The following NIPBL variants were observed in gnomAD, a reference collection of about 807,000 sequenced individuals.
NIPBL encodes the protein NIPBL cohesin loading factor, also known as nipped-B-like protein.
A neutral mutation model predicts 321.8 loss-of-function variants in NIPBL; 19 were observed. The ratio of observed to expected loss-of-function variants is 0.06; its 90% CI spans 0.04 to 0.09. The LOEUF (loss-of-function observed/expected upper bound fraction) is 0.09. Ranked by LOEUF, NIPBL falls within the 10% of genes least tolerant of loss-of-function variation. NIPBL has a pLI of 1.00. For synonymous variants in NIPBL, 1,106 were observed against 1,114.1 expected, an observed-to-expected ratio of 0.99 and a Z score of 0.14; for missense variants, 2,210 against 3,327.0, an observed-to-expected ratio of 0.66 and a Z score of 8.26.
Position 37,026,097 on chromosome 5 carries a change from TA to T in NIPBL, c.5710-131del, listed in dbSNP as rs148329512. 409 of 621,782 alleles carry T rather than the reference TA, an allele frequency of 6.6e-4. 2 individuals carry two copies. The African/African-American group carries it at 7.4e-3, about 11-fold the overall frequency. 38.5% of individuals were successfully genotyped at this position (621,782 alleles called of 1,614,324 possible). A position where few individuals can be genotyped will look rare whatever the true frequency, so the allele number is the denominator to read the frequency against. ...TTTTAGAAAAAACTGAGGAAATTAA[TA>T]CCAGAAATTCCTGGCAGTTTGTGTT... On this transcript the variant is annotated intron_variant, in intron 30 of 46. Transcript: ENST00000282516.
chr5:36,940,177 C>T (rs192565819), intron 1 of NIPBL, among the ~76,000 whole-genome samples: 1 of 152,238 alleles, frequency 6.6e-6, no homozygotes, highest in East Asian at 1.9e-4. Context: ...TCTGTAAACA[C>T]AGTTATTGTA....
intron 3 of NIPBL, 71 bp downstream of exon 3, chr5:36,955,708 G>A (rs1302033133): frequency 3.2e-5 from 41 of 1,269,396 alleles, no homozygotes; most frequent in Non-Finnish European, 4.7e-5. Flanking sequence ...CCGTATTCCT[G>A]GTTTTATTTC....
chr5:36,956,268 A>G (rs1740932613), intron 3 of NIPBL, among the ~76,000 whole-genome samples: 1 of 152,054 alleles, frequency 6.6e-6, no homozygotes, highest in Non-Finnish European at 1.5e-5. Context: ...AAACCAATAC[A>G]TATTTATACA....
At chr5:36,956,436 T>C (rs550647738) in intron 3 of NIPBL, among the ~76,000 whole-genome samples, 176 of 152,122 alleles carry the variant, frequency 1.2e-3, no homozygotes, top group Non-Finnish European at 2.1e-3. Context: ...TGGAGAGATA[T>C]CTACATTAGA....
At chr5:36,894,792 CT>C (rs1293010429) in intron 1 of NIPBL, among the ~76,000 whole-genome samples, 20 of 152,158 alleles carry the variant, frequency 1.3e-4, no homozygotes, top group Admixed American at 6.6e-4. Context: ...TATATGTTAG[CT>C]TGTCACATTT....
intron 40 of NIPBL, among the ~76,000 whole-genome samples, chr5:37,050,495 A>AG (rs1173263800): frequency 6.6e-6 from 1 of 151,956 alleles, no homozygotes; most frequent in East Asian, 1.9e-4. Flanking sequence ...AAAAAAAAAA[A>AG]AAATTCACAC....
chr5:37,002,557 G>T, intron 14 of NIPBL, 105 bp from the exon 15 acceptor site: 3 of 756,668 alleles, frequency 4.0e-6, no homozygotes, highest in East Asian at 2.7e-5. Context: ...TAGGTTATTT[G>T]TTTAGTTTGC....
Position 36,986,310 on chromosome 5 carries a change from A to G in NIPBL, c.3121+9A>G. On this transcript the variant is annotated intron_variant, in intron 10 of 46. Coordinates refer to ENST00000282516, the MANE Select transcript of NIPBL (RefSeq NM_133433.4). ...ATCAAAGTCAAATAAAGGTAAGAAT[A>G]CTTCTACTGATGTCATTTATAATAT... The G allele has an allele frequency of 6.9e-7, 1 of 1,459,278 alleles. No homozygotes were observed. The highest frequency in any genetic ancestry group is 9.1e-7 in the Non-Finnish European group (1 of 1,099,048). The allele number at this position is 1,459,278 out of a possible 1,614,324, so 90.4% of individuals were successfully genotyped here.
At chr5:36,998,406 C>G (rs1039542013) in intron 11 of NIPBL, among the ~76,000 whole-genome samples, 2 of 151,850 alleles carry the variant, frequency 1.3e-5, no homozygotes, top group Admixed American at 6.6e-5. Context: ...TAATTACAAA[C>G]CACTATAAGA....
rs1199400697 is a variant in NIPBL at position 37,017,005 on chromosome 5, A to G, written c.4777-14A>G. On this transcript the variant is annotated splice_polypyrimidine_tract_variant and intron_variant, in intron 23 of 46. Coordinates refer to ENST00000282516, the MANE Select transcript of NIPBL (RefSeq NM_133433.4). ...TTATAAATCTATTCAATCAAAAACT[A>G]TTTTGATATTTAGGTTCATCAGTTC... is the stretch of plus-strand genomic sequence containing the variant. 3 of 1,550,668 alleles carry G rather than the reference A, an allele frequency of 1.9e-6. No individual in the cohort carries two copies. Among genetic ancestry groups the G allele is most frequent in the Non-Finnish European group, 2.6e-6 (3 of 1,133,006 alleles).
chr5:36,990,791 T>A (rs1341352736), intron 10 of NIPBL, among the ~76,000 whole-genome samples: 3 of 152,144 alleles, frequency 2.0e-5, no homozygotes, highest in African/African-American at 7.2e-5. Context: ...TTATAAAAAC[T>A]AAAGTTTGCT....
At chr5:36,885,749 C>T (rs762280923) in intron 1 of NIPBL, 13 of 603,296 alleles carry the variant, frequency 2.2e-5, no homozygotes, top group Non-Finnish European at 3.7e-5. Context: ...GAACGACATC[C>T]GTGGGCTCTG....
chr5:36,910,008 A>G (rs1369993141), intron 1 of NIPBL, among the ~76,000 whole-genome samples: 1 of 152,016 alleles, frequency 6.6e-6, no homozygotes, highest in East Asian at 1.9e-4. Context: ...CCTGGGAGGC[A>G]GAGGGTGCAG....
At chr5:37,025,025 A>T (rs1387327252) in intron 30 of NIPBL, among the ~76,000 whole-genome samples, 1 of 152,226 alleles carries the variant, frequency 6.6e-6, no homozygotes, top group African/African-American at 2.4e-5. Context: ...TGAGGCCAGG[A>T]GTTGGAGATC....
chr5:37,052,222 C>G, intron 41 of NIPBL, 144 bp from the exon 42 acceptor site: 2 of 692,262 alleles, frequency 2.9e-6, no homozygotes, highest in Non-Finnish European at 4.9e-6. Flanking sequence ...CTCTAATGTT[C>G]CTTCTAGCAC....
At chr5:36,926,966 A>G (rs549378232) in intron 1 of NIPBL, among the ~76,000 whole-genome samples, 50 of 152,276 alleles carry the variant, frequency 3.3e-4, no homozygotes, top group African/African-American at 7.7e-4. Context: ...ATGGGAGTCA[A>G]TTTTTCCTGA....
intron 1 of NIPBL, among the ~76,000 whole-genome samples, chr5:36,888,595 A>G (rs985275653): frequency 6.6e-6 from 1 of 152,164 alleles, no homozygotes; most frequent in African/African-American, 2.4e-5. Context: ...ATGCTGTGGG[A>G]TATGATACCA....
intron 42 of NIPBL, among the ~76,000 whole-genome samples, chr5:37,053,520 A>C (rs534399169): frequency 6.5e-4 from 99 of 152,330 alleles, no homozygotes; most frequent in African/African-American, 2.4e-3. Flanking sequence ...AATATACTGT[A>C]ATAAAAGTTA....
chr5:36,888,754 C>A (rs1580150334), intron 1 of NIPBL, among the ~76,000 whole-genome samples: 1 of 152,200 alleles, frequency 6.6e-6, no homozygotes, highest in East Asian at 1.9e-4. Flanking sequence ...ACCCCTCCAG[C>A]CCACAGTTTG....
Sources: gnomAD v4.1 joint callset for allele counts (sites outside exome capture counted in the v4.1 genomes callset) on GRCh38, gnomAD v4.1.1 for gene constraint, MANE v1.5 for transcripts, NCBI Gene and HGNC (gene_info 2026-07-23, HGNC 2026-07-21) for gene names.